Variants in DLG4 observed in about 807,000 individuals in gnomAD.
DLG4 encodes the protein disks large homolog 4.
Under a neutral mutation model 93.8 loss-of-function variants are expected in DLG4, and 7 were observed. That is an observed-to-expected ratio of 0.07 (90% CI 0.04 to 0.14). The LOEUF (loss-of-function observed/expected upper bound fraction) is 0.14, where lower values mean the gene tolerates loss of function less well. Among genes scored for constraint, DLG4 ranks in the 10% least tolerant of loss-of-function variants. The pLI, the probability that DLG4 is intolerant of heterozygous loss-of-function variation, is 1.00. For missense variants in DLG4, 545 were observed against 992.9 expected (o/e 0.55, Z 6.06); for synonymous variants, 341 against 387.6 (o/e 0.88, Z 1.41).
intron 2 of DLG4, chr17:7,204,519 T>G: frequency 2.4e-6 from 1 of 414,646 alleles, no homozygotes; most frequent in Non-Finnish European, 4.3e-6. Flanking sequence ...TGGAAGGAGG[T>G]GTAGGAGAAG....
At position 7,196,604 on chromosome 17, in the gene DLG4, CA is replaced by C. The variant is rs758192430; in HGVS notation, c.1084-30del. On this transcript the variant is annotated intron_variant, in intron 9 of 19. Coordinates refer to ENST00000399506, the MANE Select transcript of DLG4 (RefSeq NM_001321075.3). The surrounding 1 kb of genome is among the most constrained non-coding windows in gnomAD (Gnocchi z 8.3). Reference sequence around the variant, plus strand: ...GAGAGAGGACGACAGGCTGTGTCACCAGAGACAGGAGGCAGCACTTCTGGGT... The same window carrying C: ...GAGAGAGGACGACAGGCTGTGTCACCGAGACAGGAGGCAGCACTTCTGGGT... 38 of 1,612,276 alleles carry C rather than the reference CA, an allele frequency of 2.4e-5. No individual in the cohort carries two copies. The African/African-American group carries it at 4.7e-4, about 20-fold the overall frequency.
At chr17:7,220,028 T>C, upstream of DLG4, 1 of 1,605,396 alleles carries the variant, frequency 6.2e-7, no homozygotes, top group Non-Finnish European at 8.5e-7. Flanking sequence ...CGGCAGCTGC[T>C]GAGGCTCGGG....
chr17:7,198,976 A>G (rs2069966637), intron 8 of DLG4, among the ~76,000 whole-genome samples: 1 of 151,670 alleles, frequency 6.6e-6, no homozygotes, highest in African/African-American at 2.4e-5. Context: ...AGATCACACC[A>G]CTGCACTCCA....
At position 7,196,346 on chromosome 17, in the gene DLG4, C is replaced by T; in HGVS notation, c.1187-12G>A. The T allele has an allele frequency of 6.2e-7, 1 of 1,613,802 alleles. No individual in the cohort carries two copies. Among genetic ancestry groups the T allele is most frequent in the Non-Finnish European group, 8.5e-7 (1 of 1,179,724 alleles). On this transcript the variant is annotated splice_polypyrimidine_tract_variant and intron_variant, in intron 10 of 19. Coordinates refer to ENST00000399506, the MANE Select transcript of DLG4 (RefSeq NM_001321075.3). This position sits in a 1 kb window ranked among gnomAD's most constrained non-coding sequence, Gnocchi z 8.3. ...GAATCGGCTGTACTCTGAGGAAGGACAGGGAGGTTTCTGAGCTCTGTCCCC... is the reference window on the plus strand; with the variant it reads ...GAATCGGCTGTACTCTGAGGAAGGATAGGGAGGTTTCTGAGCTCTGTCCCC...
Position 7,194,376 on chromosome 17 carries a change from C to T in DLG4, c.1421G>A (p.Arg474Gln), listed in dbSNP as rs773473959. 2.0e-5 allele frequency: 33 copies of T among 1,612,546 alleles called. 1 individual carries two copies. Among genetic ancestry groups the T allele is most frequent in the South Asian group, 9.9e-5 (9 of 90,730 alleles). Reference protein sequence around the residue: ...DASDEEWWQARRVHSDSETDD... With the variant: ...DASDEEWWQAQRVHSDSETDD... ...GGTCTCACTGTCAGAGTGGACCCGC[C>T]GTGCCTGCCACCACTCCTCATCACT... is the stretch of plus-strand genomic sequence containing the variant. The change falls in exon 12 of 20, where the codon CGG becomes CAG. Residue 474 changes from arginine (R) to glutamine (Q), a missense_variant. Coordinates refer to ENST00000399506, the MANE Select transcript of DLG4 (RefSeq NM_001321075.3). The surrounding 1 kb of genome is among the most constrained non-coding windows in gnomAD (Gnocchi z 4.4).
Position 7,187,547 on chromosome 17 carries a change from C to CAGT in DLG4, c.*3160_*3161insACT, listed in dbSNP as rs1555599177. On this transcript the variant is annotated 3_prime_UTR_variant, in exon 20 of 20. Transcript: ENST00000399506. ...GGCAACAAGAGCGAAACTCTGTCTC[C>CAGT]AATAATAATAATAATAATAATAATA... Among the ~76,000 whole-genome samples the CAGT allele has an allele frequency of 4.8e-5, 7 of 145,866 alleles. No homozygotes were observed. The highest frequency in any genetic ancestry group is 3.5e-3 in the Middle Eastern group (1 of 288).
chr17:7,192,121 G>A (rs2069534596), intron 17 of DLG4, 119 bp from the exon 18 acceptor site: 1 of 528,706 alleles, frequency 1.9e-6, no homozygotes, highest in East Asian at 3.3e-5. Context: ...GAAGGGGAGT[G>A]ACATGGATGT....
intron 17 of DLG4, 110 bp downstream of exon 17, chr17:7,192,835 G>A: frequency 1.6e-6 from 2 of 1,239,110 alleles, no homozygotes; most frequent in Non-Finnish European, 2.2e-6. Context: ...GCGGAGTGGA[G>A]ACCCAGCAGG....
upstream of DLG4, chr17:7,219,408 G>A: frequency 9.8e-7 from 1 of 1,016,142 alleles, no homozygotes; most frequent in Non-Finnish European, 1.2e-6. Flanking sequence ...TCTTCCTACT[G>A]TGAAACTGTA....
chr17:7,199,296 T>A (rs1453814079), intron 8 of DLG4, among the ~76,000 whole-genome samples: 1 of 151,870 alleles, frequency 6.6e-6, no homozygotes, highest in Admixed American at 6.6e-5. Flanking sequence ...GCCTCCCAGG[T>A]TCAAGGGATT....
chr17:7,216,138 C>T (rs2070903955), intron 1 of DLG4, among the ~76,000 whole-genome samples: 1 of 151,900 alleles, frequency 6.6e-6, no homozygotes, highest in African/African-American at 2.4e-5. Flanking sequence ...ACCTCAGTAA[C>T]TTCGGTCATA....
chr17:7,203,404 G>A lies in DLG4; in HGVS notation c.505+20C>T. On this transcript the variant is annotated intron_variant, in intron 6 of 19. Transcript: ENST00000399506. This position sits in a 1 kb window ranked among gnomAD's most constrained non-coding sequence, Gnocchi z 7.2. The stretch of plus-strand genomic sequence containing the variant: ...GCACAGGACAGTTGGGATGGGGGTG[G>A]GAACAAAATGAGTTACTACCTTTAG... The A allele has an allele frequency of 1.3e-6, 2 of 1,596,238 alleles. No homozygotes were observed. The highest frequency in any genetic ancestry group is 1.7e-6 in the Non-Finnish European group (2 of 1,165,466).
intron 17 of DLG4, 68 bp downstream of exon 17, chr17:7,192,877 A>G (rs1300912379): frequency 1.3e-6 from 2 of 1,484,738 alleles, no homozygotes; most frequent in African/African-American, 1.4e-5. Flanking sequence ...AGTTAGAGAA[A>G]GCTGGAGGGA....
At chr17:7,206,220 G>A (rs1358012350) in intron 2 of DLG4, among the ~76,000 whole-genome samples, 1 of 152,018 alleles carries the variant, frequency 6.6e-6, no homozygotes, top group East Asian at 1.9e-4. Flanking sequence ...CTCCTGAGTA[G>A]CTACAGGCAC....
At chr17:7,215,309 T>A (rs2070863254) in intron 1 of DLG4, among the ~76,000 whole-genome samples, 1 of 152,110 alleles carries the variant, frequency 6.6e-6, no homozygotes, top group African/African-American at 2.4e-5. Context: ...AACCCTGGGC[T>A]CCATGGAAGA....
chr17:7,188,255 A>G lies in DLG4; in HGVS notation c.*2453T>C, dbSNP rs1234160831. On this transcript the variant is annotated 3_prime_UTR_variant, in exon 20 of 20. Coordinates refer to ENST00000399506, the MANE Select transcript of DLG4 (RefSeq NM_001321075.3). ...CTACTGGTTGAAGTGACACCCCTTC[A>G]GCAATCTCTGCCTCTATTCTTGGAC... Among the ~76,000 whole-genome samples, 1 of 152,152 alleles carries G rather than the reference A, an allele frequency of 6.6e-6. No homozygotes were observed. Among genetic ancestry groups the G allele is most frequent in the East Asian group, 1.9e-4 (1 of 5,184 alleles).
chr17:7,197,235 G>A (rs1360797532), intron 8 of DLG4, among the ~76,000 whole-genome samples, 183 bp from the exon 9 acceptor site: 1 of 152,102 alleles, frequency 6.6e-6, no homozygotes, highest in East Asian at 1.9e-4. Flanking sequence ...GGAATTTATA[G>A]GTGACATCAG....
At position 7,217,134 on chromosome 17, in the gene DLG4, C is replaced by A; in HGVS notation, c.14G>T (p.Cys5Phe). The change falls in exon 1 of 20, where the codon TGT becomes TTT. Residue 5 changes from cysteine (C) to phenylalanine (F), a missense_variant. By Grantham distance (205) the Cys-to-Phe change is radical. Transcript: ENST00000399506. ...CATGCTTACCTTGGTTGTCACTATACAGAGACAGTCCATGTTGGGGGGCCT... is the reference window on the plus strand; with the variant it reads ...CATGCTTACCTTGGTTGTCACTATAAAGAGACAGTCCATGTTGGGGGGCCT... MDCLCIVTTKKYRYQ... is the reference protein window; with the variant it reads MDCLFIVTTKKYRYQ... 7.7e-7 allele frequency: 1 copy of A among 1,302,160 alleles called. No individual in the cohort carries two copies. Among genetic ancestry groups the A allele is most frequent in the Non-Finnish European group, 9.8e-7 (1 of 1,023,262 alleles). The allele number at this position is 1,302,160 out of a possible 1,614,324, so 80.7% of individuals were successfully genotyped here.
chr17:7,190,376 G>A lies in DLG4; in HGVS notation c.*332C>T. ...GCCCTGACTTCTGGAATGTGTGTGG[G>A]AGAGGATGGGGGAGGGCAGGTGGCC... On this transcript the variant is annotated 3_prime_UTR_variant, in exon 20 of 20. Coordinates refer to ENST00000399506, the MANE Select transcript of DLG4 (RefSeq NM_001321075.3). 2.8e-6 allele frequency: 1 copy of A among 360,888 alleles called. No homozygotes were observed. The highest frequency in any genetic ancestry group is 5.3e-6 in the Non-Finnish European group (1 of 189,140). The allele number at this position is 360,888 out of a possible 1,614,324, so 22.4% of individuals were successfully genotyped here.
Sources: allele counts gnomAD v4.1 joint callset (sites outside exome capture counted in the v4.1 genomes callset), GRCh38; gene constraint gnomAD v4.1.1; non-coding constraint Gnocchi (gnomAD v3.1); transcripts MANE v1.5; gene names NCBI Gene and HGNC (gene_info 2026-07-23, HGNC 2026-07-21).